The following EPB41L4A variants were observed in gnomAD, a reference collection of about 807,000 sequenced individuals.
The protein encoded by EPB41L4A is band 4.1-like protein 4A.
Under a neutral mutation model 108.6 loss-of-function variants are expected in EPB41L4A, and 100 were observed. That is an observed-to-expected ratio of 0.92 (90% CI 0.78 to 1.09). The LOEUF (loss-of-function observed/expected upper bound fraction) is 1.09. Among genes scored for constraint, EPB41L4A ranks in the 50% least tolerant of loss-of-function variants. The pLI is 0.00. For synonymous variants in EPB41L4A, 319 were observed against 289.0 expected (o/e 1.10, Z -1.05); for missense variants, 1,030 against 842.7 (o/e 1.22, Z -2.75).
intron 1 of EPB41L4A, among the ~76,000 whole-genome samples, chr5:112,348,884 T>C (rs6894036): frequency 0.12 from 18,186 of 152,188 alleles, 1,207 homozygotes; most frequent in Non-Finnish European, 0.15. Context: ...ATACTAGGCT[T>C]GATGCTGAGG....
intron 12 of EPB41L4A, among the ~76,000 whole-genome samples, chr5:112,148,201 A>G (rs981164575): frequency 1.4e-5 from 2 of 147,946 alleles, no homozygotes; most frequent in African/African-American, 4.9e-5. Context: ...GTATTACTAT[A>G]TAATATAATA....
chr5:112,184,191 G>T, intron 17 of EPB41L4A, 56 bp from the exon 18 acceptor site: 1 of 1,594,400 alleles, frequency 6.3e-7, no homozygotes, highest in East Asian at 2.2e-5. Flanking sequence ...CGCGTTTTAG[G>T]TTCATCCTAA....
At chr5:112,142,667 T>A (rs926623790) in exon 14 of EPB41L4A, 2 of 152,154 alleles carry the variant, frequency 1.3e-5, no homozygotes, top group Non-Finnish European at 2.9e-5. Flanking sequence ...TAGAAAGAAG[T>A]GTTGAAAGAG....
intron 18 of EPB41L4A, among the ~76,000 whole-genome samples, chr5:112,180,242 C>G (rs556917397): frequency 6.6e-6 from 1 of 152,036 alleles, no homozygotes; most frequent in South Asian, 2.1e-4. Flanking sequence ...CACAGAAATG[C>G]AAAGGTCCTA....
rs764914913 is a variant in EPB41L4A at position 112,204,497 on chromosome 5, A to G, written c.1263-9T>C. The G allele has an allele frequency of 2.6e-5, 41 of 1,588,612 alleles. No individual in the cohort carries two copies. In the South Asian group the frequency reaches 4.3e-4, roughly 17 times the overall value. ...GAGAATTGTAGAGTCCACTGGAGAG[A>G]AAGAAAAATGGTCAAAAAGAGCCCA... On this transcript the variant is annotated splice_polypyrimidine_tract_variant and intron_variant, in intron 14 of 22. Coordinates refer to ENST00000261486, the MANE Select transcript of EPB41L4A (RefSeq NM_022140.5).
intron 4 of EPB41L4A, among the ~76,000 whole-genome samples, chr5:112,273,702 C>G (rs1433266270): frequency 1.3e-5 from 2 of 152,162 alleles, no homozygotes; most frequent in Non-Finnish European, 2.9e-5. Flanking sequence ...AGAGATTACT[C>G]ACAACCTGAA....
At position 112,162,940 on chromosome 5, in the gene EPB41L4A, C is replaced by T. The variant is rs542555699; in HGVS notation, c.*2050G>A. ...TTTGGCTGCTTTCCCTCTTCAGTGC[C>T]CTGTTTTAGAACTGAGTCCTTACTG... On this transcript the variant is annotated 3_prime_UTR_variant, in exon 23 of 23. Coordinates refer to ENST00000261486, the MANE Select transcript of EPB41L4A (RefSeq NM_022140.5). The T allele has an allele frequency of 6.6e-6, 1 of 152,144 alleles. No individual in the cohort carries two copies. Among genetic ancestry groups the T allele is most frequent in the Non-Finnish European group, 1.5e-5 (1 of 68,046 alleles). The allele number at this position is 152,144 out of a possible 1,614,324, so 9.4% of individuals were successfully genotyped here. A position where few individuals can be genotyped will look rare whatever the true frequency, so the allele number is the denominator to read the frequency against.
At chr5:112,209,026 A>C (rs1485473222) in intron 13 of EPB41L4A, among the ~76,000 whole-genome samples, 1 of 152,244 alleles carries the variant, frequency 6.6e-6, no homozygotes. Flanking sequence ...AACTCTGAGA[A>C]TCTTCAGATC....
intron 16 of EPB41L4A, 45 bp downstream of exon 16, chr5:112,195,616 T>C (rs751482433): frequency 1.3e-6 from 2 of 1,510,514 alleles, no homozygotes; most frequent in Admixed American, 1.7e-5. Flanking sequence ...CTAAATCTGC[T>C]AACCCTTCTT....
intron 12 of EPB41L4A, chr5:112,210,203 C>G (rs17134248): frequency 0.017 from 5,859 of 344,456 alleles, 351 homozygotes; most frequent in African/African-American, 0.11. Flanking sequence ...GGAGTCTAGG[C>G]TATTTTTTTC....
chr5:112,242,807 G>C (rs767530011), intron 9 of EPB41L4A, among the ~76,000 whole-genome samples: 1 of 152,164 alleles, frequency 6.6e-6, no homozygotes, highest in African/African-American at 2.4e-5. Context: ...TAATCTCCTT[G>C]TACATCTCCA....
At chr5:112,215,220 G>A (rs1460233154) in intron 12 of EPB41L4A, among the ~76,000 whole-genome samples, 1 of 152,214 alleles carries the variant, frequency 6.6e-6, no homozygotes, top group African/African-American at 2.4e-5. Context: ...AAAAGGACAT[G>A]CGGCAATATA....
intron 1 of EPB41L4A, among the ~76,000 whole-genome samples, chr5:112,308,231 C>A (rs1754820091): frequency 6.6e-6 from 1 of 152,120 alleles, no homozygotes; most frequent in Admixed American, 6.6e-5. Context: ...CAGCCTCTTC[C>A]TTTCTCTCGC....
Position 112,355,235 on chromosome 5 carries a change from G to A in EPB41L4A, c.100-47745C>T, listed in dbSNP as rs999741980. On this transcript the variant is annotated intron_variant, in intron 1 of 22. Coordinates refer to ENST00000261486, the MANE Select transcript of EPB41L4A (RefSeq NM_022140.5). ...TGGAACTTGTAAACCACTAGAAACC[G>A]AAAGCTATTTCAAAGATAGTTTCTA... Among the ~76,000 whole-genome samples, 6 of 152,128 alleles carry A rather than the reference G, an allele frequency of 3.9e-5. No individual in the cohort carries two copies. In the South Asian group the frequency reaches 6.2e-4, roughly 16 times the overall value.
chr5:112,259,873 T>C lies in EPB41L4A; in HGVS notation c.731+18A>G, dbSNP rs1304092138. The C allele has an allele frequency of 6.3e-7, 1 of 1,599,190 alleles. No individual in the cohort carries two copies. Among genetic ancestry groups the C allele is most frequent in the Non-Finnish European group, 8.6e-7 (1 of 1,166,794 alleles). On this transcript the variant is annotated intron_variant, in intron 8 of 22. Transcript: ENST00000261486. ...CCCAAAACATAGAATGCCAACTCTG[T>C]TCTCAAGCCATACCTACCAGAAATA... is the stretch of plus-strand genomic sequence containing the variant.
chr5:112,279,456 T>C (rs373524903), intron 3 of EPB41L4A, among the ~76,000 whole-genome samples: 2 of 152,198 alleles, frequency 1.3e-5, no homozygotes, highest in Non-Finnish European at 2.9e-5. Context: ...AATGCTTTAA[T>C]GGGGAACAGA....
intron 1 of EPB41L4A, among the ~76,000 whole-genome samples, chr5:112,339,032 G>GT (rs1287411895): frequency 3.2e-5 from 1 of 30,778 alleles, no homozygotes; most frequent in African/African-American, 1.1e-4. Flanking sequence ...AAGTGACAGG[G>GT]TGGGGGAGAA....
chr5:112,174,713 G>A (rs1328271331), intron 18 of EPB41L4A, among the ~76,000 whole-genome samples: 2 of 151,834 alleles, frequency 1.3e-5, no homozygotes, highest in East Asian at 1.9e-4. Context: ...ACATTATCCA[G>A]TAATATATTT....
intron 1 of EPB41L4A, among the ~76,000 whole-genome samples, chr5:112,351,955 T>C (rs1325831914): frequency 1.3e-5 from 2 of 152,212 alleles, no homozygotes; most frequent in East Asian, 1.9e-4. Flanking sequence ...CATTCTTTTA[T>C]GATAAAAACT....
Sources: allele counts gnomAD v4.1 joint callset (sites outside exome capture counted in the v4.1 genomes callset), GRCh38; gene constraint gnomAD v4.1.1; transcripts MANE v1.5; gene names NCBI Gene and HGNC (gene_info 2026-07-23, HGNC 2026-07-21).